The following TNNT1 variants were observed in gnomAD, a reference collection of about 807,000 sequenced individuals.
TNNT1 encodes troponin T1, slow skeletal type.
TNNT1 carries 53 observed loss-of-function variants against 50.6 expected under a neutral mutation model. That is an observed-to-expected ratio of 1.05 (90% CI 0.84 to 1.32). The LOEUF is 1.32. Among genes scored for constraint, TNNT1 ranks in the 40% most tolerant of loss-of-function variants. The probability of loss-of-function intolerance (pLI) is 0.00; values close to 1 mark genes in which losing one functional copy is unlikely to be tolerated. For synonymous variants in TNNT1, 142 were observed against 138.0 expected (o/e 1.03, Z -0.20); for missense variants, 348 against 381.7 (o/e 0.91, Z 0.74).
In TNNT1 at chr19:55,134,074, TCTG is replaced by T; in HGVS notation, c.739_741del (p.Gln247del). 6.2e-7 allele frequency: 1 copy of T among 1,613,164 alleles called. No homozygotes were observed. The highest frequency in any genetic ancestry group is 8.5e-7 in the Non-Finnish European group (1 of 1,179,916). On this transcript the variant is annotated inframe_deletion, in exon 12 of 14. Coordinates refer to ENST00000588981, the MANE Select transcript of TNNT1 (RefSeq NM_003283.6). Reference sequence around the variant, plus strand: ...GCGGAGCTGGGTCTCACCTCATATTTCTGCTGTTTCAGCTTCGCCATCAGGTCG... The same window carrying T: ...GCGGAGCTGGGTCTCACCTCATATTTCTGTTTCAGCTTCGCCATCAGGTCG...
At chr19:55,134,561 C>T (rs527991859) in intron 11 of TNNT1, among the ~76,000 whole-genome samples, 5 of 149,150 alleles carry the variant, frequency 3.4e-5, no homozygotes, top group African/African-American at 5.0e-5. Context: ...AGGGTGTTTC[C>T]GGCTACTTGG....
At chr19:55,135,131 G>A (rs2147240052) in intron 11 of TNNT1, among the ~76,000 whole-genome samples, 1 of 152,220 alleles carries the variant, frequency 6.6e-6, no homozygotes, top group East Asian at 1.9e-4. Context: ...TTGCAGGTAG[G>A]GGTGGCTACT....
intron 1 of TNNT1, among the ~76,000 whole-genome samples, chr19:55,148,772 TCTG>T (rs1276903238): frequency 1.3e-5 from 2 of 151,854 alleles, no homozygotes; most frequent in Non-Finnish European, 2.9e-5. Flanking sequence ...CCCAATTTCT[TCTG>T]AGACCCCCCC....
intron 9 of TNNT1, among the ~76,000 whole-genome samples, chr19:55,139,721 A>G (rs926747027): frequency 7.9e-5 from 12 of 152,146 alleles, no homozygotes; most frequent in Middle Eastern, 3.4e-3. Context: ...AATCCCAGCT[A>G]CTCGGGAGGC....
At chr19:55,146,558 G>T in intron 4 of TNNT1, 92 bp from the exon 5 acceptor site, 1 of 1,153,444 alleles carries the variant, frequency 8.7e-7, no homozygotes, top group South Asian at 1.7e-5. Flanking sequence ...GAAGAGACGT[G>T]AGAGGCTGTT....
chr19:55,137,176 C>T lies in TNNT1; in HGVS notation c.538G>A (p.Glu180Lys). ...TCGGAGAGGATGCGCACCTTCATCT[C>T]CCGCCCCGTCTGCCGCTTACCACGC... ...QKRGKRQTGR[E>K]MKVRILSERK... The change falls in exon 11 of 14, where the codon GAG becomes AAG. Residue 180 changes from glutamate to lysine, a missense_variant. By Grantham distance (56) the Glu-to-Lys change is moderately conservative. Transcript: ENST00000588981. The T allele has an allele frequency of 6.2e-7, 1 of 1,605,740 alleles. No homozygotes were observed. The highest frequency in any genetic ancestry group is 8.5e-7 in the Non-Finnish European group (1 of 1,174,892).
chr19:55,136,193 C>T (rs903253548), intron 11 of TNNT1, among the ~76,000 whole-genome samples: 1 of 152,128 alleles, frequency 6.6e-6, no homozygotes, highest in Non-Finnish European at 1.5e-5. Flanking sequence ...ACTATTAACA[C>T]AAGGATAATA....
intron 10 of TNNT1, 35 bp from the exon 11 acceptor site, chr19:55,137,247 G>A (rs762903542): frequency 2.7e-6 from 4 of 1,470,904 alleles, no homozygotes; most frequent in Non-Finnish European, 2.9e-6. Flanking sequence ...TAAACTGGGG[G>A]CCACATCCCA....
chr19:55,134,235 C>A, intron 11 of TNNT1, 31 bp from the exon 12 acceptor site: 1 of 1,551,364 alleles, frequency 6.4e-7, no homozygotes, highest in Non-Finnish European at 8.7e-7. Context: ...GAACTTGGGC[C>A]CAGAGAGGTT....
intron 6 of TNNT1, 96 bp downstream of exon 6, chr19:55,145,448 C>T (rs1175558873): frequency 3.3e-6 from 4 of 1,201,902 alleles, no homozygotes; most frequent in Non-Finnish European, 3.6e-6. Context: ...TCAATTTCCT[C>T]CCTCCATCTC....
Position 55,145,554 on chromosome 19 carries a change from G to T in TNNT1, c.118C>A (p.Pro40Thr). The T allele has an allele frequency of 6.2e-7, 1 of 1,613,778 alleles. No individual in the cohort carries two copies. Among genetic ancestry groups the T allele is most frequent in the Middle Eastern group, 1.7e-4 (1 of 6,052 alleles). The change falls in exon 6 of 14, where the codon CCC becomes ACC. Residue 40 changes from proline to threonine, a missense_variant. Physicochemically the swap from Pro to Thr is conservative, Grantham distance 38 (BLOSUM62 -1). Transcript: ENST00000588981. ...EPVAEPEEER[P>T]KPSRPVVPPL... ...CCTGTAGGATCTCACCTTGGTTTGG[G>T]GCGTTCCTCTTCTGTTGGTGGTGGG...
intron 6 of TNNT1, among the ~76,000 whole-genome samples, chr19:55,142,642 G>A (rs904754800): frequency 8.0e-5 from 12 of 150,686 alleles, no homozygotes; most frequent in Non-Finnish European, 1.6e-4. Flanking sequence ...CCACCTCCCA[G>A]ATTCAAGCGA....
chr19:55,134,334 A>G, intron 11 of TNNT1, 130 bp from the exon 12 acceptor site: 1 of 927,132 alleles, frequency 1.1e-6, no homozygotes, highest in Non-Finnish European at 1.6e-6. Context: ...GAGTTTTAAA[A>G]TCTGTGCCCA....
chr19:55,142,057 G>T, intron 6 of TNNT1, 137 bp from the exon 7 acceptor site: 1 of 798,834 alleles, frequency 1.3e-6, no homozygotes, highest in Non-Finnish European at 2.2e-6. Context: ...GCTGAGGCGG[G>T]CTGTCAGTGA....
chr19:55,147,468 T>C, intron 1 of TNNT1: 1 of 416,228 alleles, frequency 2.4e-6, no homozygotes, highest in South Asian at 2.6e-5. Flanking sequence ...GACTCCTGGG[T>C]CTGAGGAAGG....
intron 1 of TNNT1, chr19:55,147,418 T>TC (rs2085587361): frequency 1.5e-5 from 1 of 66,874 alleles, no homozygotes; most frequent in African/African-American, 2.3e-4. Context: ...GGGGCTGGGG[T>TC]CTGGACTCCT....
rs538075740 is a variant in TNNT1, at chr19:55,147,669, G to A, written c.-11-501C>T. Among the ~76,000 whole-genome samples, 10 of 98,188 alleles carry A rather than the reference G, an allele frequency of 1.0e-4. No homozygotes were observed. The South Asian group carries it at 3.9e-3, about 39-fold the overall frequency. 64.4% of individuals were successfully genotyped at this position (98,188 alleles called of 152,430 possible). On this transcript the variant is annotated intron_variant, in intron 1 of 13. Coordinates refer to ENST00000588981, the MANE Select transcript of TNNT1 (RefSeq NM_003283.6). ...GTCCTGGACACCTGGGTCTGAGGGA[G>A]GAGGGGCTGGGGTCTGGACTCCTGG...
At chr19:55,146,316 G>T (rs1287177841) in intron 5 of TNNT1, 118 bp downstream of exon 5, 7 of 643,164 alleles carry the variant, frequency 1.1e-5, no homozygotes, top group African/African-American at 1.9e-5. Flanking sequence ...CCGGGCCTGG[G>T]GGCGGGTTAT....
intron 6 of TNNT1, among the ~76,000 whole-genome samples, chr19:55,142,638 C>T (rs1280348076): frequency 6.6e-6 from 1 of 151,544 alleles, no homozygotes; most frequent in Non-Finnish European, 1.5e-5. Flanking sequence ...ACCTCCACCT[C>T]CCAGATTCAA....
Sources: gnomAD v4.1 joint callset for allele counts (sites outside exome capture counted in the v4.1 genomes callset) on GRCh38, gnomAD v4.1.1 for gene constraint, MANE v1.5 for transcripts, NCBI Gene and HGNC (gene_info 2026-07-23, HGNC 2026-07-21) for gene names.